YES1: variants seen among roughly 807,000 people sequenced by gnomAD.
The protein encoded by YES1 is YES proto-oncogene 1, Src family tyrosine kinase.
Under a neutral mutation model 70.4 loss-of-function variants are expected in YES1, and 39 were observed. The observed-to-expected ratio is 0.55, with a 90% CI of 0.43 to 0.72. The LOEUF is 0.72. Among genes scored for constraint, YES1 ranks in the 30% least tolerant of loss-of-function variants. YES1 has a pLI of 0.00. For missense variants in YES1, 495 were observed against 644.8 expected, an observed-to-expected ratio of 0.77 and a Z score of 2.52; for synonymous variants, 198 against 218.6, an observed-to-expected ratio of 0.91 and a Z score of 0.83.
At chr18:806,636 ACAGTGAAT>A (rs769358180) in intron 1 of YES1, among the ~76,000 whole-genome samples, 35 of 152,272 alleles carry the variant, frequency 2.3e-4, no homozygotes, top group Non-Finnish European at 4.4e-4. Context: ...GTTCCTTGAC[ACAGTGAAT>A]ACTAGGTCAA....
chr18:811,223 C>G (rs1357845450), intron 1 of YES1, among the ~76,000 whole-genome samples: 3 of 152,158 alleles, frequency 2.0e-5, no homozygotes, highest in African/African-American at 7.2e-5. Context: ...GTGCTTCCAC[C>G]AAAGACTTTC....
intron 1 of YES1, among the ~76,000 whole-genome samples, chr18:781,093 C>T (rs914700846): frequency 6.6e-6 from 1 of 151,884 alleles, no homozygotes; most frequent in Non-Finnish European, 1.5e-5. Flanking sequence ...CATGGTGAAA[C>T]CCCGTTTCTA....
intron 1 of YES1, chr18:797,913 T>A (rs1052317702): frequency 6.6e-6 from 1 of 152,192 alleles, no homozygotes; most frequent in African/African-American, 2.4e-5. Context: ...TAAAGCTACA[T>A]GCCTCTATTT....
At chr18:788,896 A>T (rs1906100173) in intron 1 of YES1, among the ~76,000 whole-genome samples, 1 of 152,226 alleles carries the variant, frequency 6.6e-6, no homozygotes, top group Non-Finnish European at 1.5e-5. Flanking sequence ...ACTGCACTCC[A>T]GCCTGGATGA....
intron 9 of YES1, chr18:739,433 C>CA (rs2080191521): frequency 7.1e-5 from 14 of 198,486 alleles, no homozygotes; most frequent in Middle Eastern, 1.9e-3. Flanking sequence ...CCTGTGTCTA[C>CA]AAAAAAAATA....
chr18:793,751 C>CA (rs1906393785), intron 1 of YES1, among the ~76,000 whole-genome samples: 1 of 151,930 alleles, frequency 6.6e-6, no homozygotes, highest in African/African-American at 2.4e-5. Context: ...TGTAATATAC[C>CA]AAAAATAGTT....
Position 762,307 on chromosome 18 carries a change from C to T in YES1, c.-8-5472G>A, listed in dbSNP as rs1445622417. Among the ~76,000 whole-genome samples the T allele has an allele frequency of 6.6e-5, 10 of 152,028 alleles. 1 individual carries two copies. In the South Asian group the frequency reaches 1.7e-3, roughly 25 times the overall value. ...TGCACTCCAGCCTGGGCAACAAGAG[C>T]GAAACTCCATCTCAAAAAAAAGAAA... On this transcript the variant is annotated intron_variant, in intron 1 of 11. Coordinates refer to ENST00000314574, the MANE Select transcript of YES1 (RefSeq NM_005433.4).
chr18:770,370 T>C (rs1235977478), intron 1 of YES1, among the ~76,000 whole-genome samples: 1 of 151,902 alleles, frequency 6.6e-6, no homozygotes, highest in Non-Finnish European at 1.5e-5. Context: ...AAACCTCAAA[T>C]GCTTCCCAGC....
At chr18:802,544 CAAA>C (rs200573604) in intron 1 of YES1, among the ~76,000 whole-genome samples, 2 of 83,152 alleles carry the variant, frequency 2.4e-5, no homozygotes, top group Admixed American at 1.3e-4. Context: ...AACTCCATCT[CAAA>C]AAAAAAAAAA....
rs201997522 is a variant in YES1, at chr18:802,921, T to TA, written c.-9+9192dup. Among the ~76,000 whole-genome samples, 938 of 150,820 alleles carry TA rather than the reference T, an allele frequency of 6.2e-3. 4 individuals are homozygous for TA. The highest frequency in any genetic ancestry group is 0.021 in the African/African-American group (846 of 41,146). ...ACAAGGTGAAACCCTGTCTCTATTCTAAAAAAAAATAAAAATAAAAAACAG... is the reference window on the plus strand; with the variant it reads ...ACAAGGTGAAACCCTGTCTCTATTCTAAAAAAAAAATAAAAATAAAAAACAG... On this transcript the variant is annotated intron_variant, in intron 1 of 11. Transcript: ENST00000314574.
intron 1 of YES1, among the ~76,000 whole-genome samples, chr18:779,237 G>C (rs140147810): frequency 6.6e-6 from 1 of 151,428 alleles, no homozygotes; most frequent in Non-Finnish European, 1.5e-5. Context: ...CCCCCGTCCC[G>C]GCAAAAAATT....
At chr18:729,598 T>C (rs1322642486) in intron 11 of YES1, among the ~76,000 whole-genome samples, 1 of 150,472 alleles carries the variant, frequency 6.6e-6, no homozygotes, top group Non-Finnish European at 1.5e-5. Flanking sequence ...TATCTCAGAG[T>C]CTGCTCCTAT....
At chr18:726,957 C>T (rs1026808217) in intron 11 of YES1, among the ~76,000 whole-genome samples, 1 of 152,094 alleles carries the variant, frequency 6.6e-6, no homozygotes, top group Non-Finnish European at 1.5e-5. Flanking sequence ...GCTGTAAGAA[C>T]AGTAGGCAAT....
At chr18:761,693 C>T (rs986868088) in intron 1 of YES1, among the ~76,000 whole-genome samples, 1 of 152,166 alleles carries the variant, frequency 6.6e-6, no homozygotes, top group South Asian at 2.1e-4. Flanking sequence ...CACACATCTA[C>T]GCACTTATCT....
rs529888103 is a variant in YES1 at position 740,208 on chromosome 18, C to T, written c.1061-397G>A. Among the ~76,000 whole-genome samples the T allele has an allele frequency of 1.3e-4, 20 of 152,234 alleles. 1 individual carries two copies. The highest frequency in any genetic ancestry group is 1.0e-3 in the South Asian group (5 of 4,822). Reference sequence around the variant, plus strand: ...ACTAAATATAGGTAGCTAAATGAGTCGCTGTGGAACTACTGCTGTGACCAA... The same window carrying T: ...ACTAAATATAGGTAGCTAAATGAGTTGCTGTGGAACTACTGCTGTGACCAA... On this transcript the variant is annotated intron_variant, in intron 8 of 11. Coordinates refer to ENST00000314574, the MANE Select transcript of YES1 (RefSeq NM_005433.4).
Position 746,029 on chromosome 18 carries a change from T to C in YES1, c.493A>G (p.Arg165Gly). ...AEEWYFGKMG[R>G]KDAERLLLNP... ...AAAAGTAATCTTTCAGCATCTTTTC[T>C]CCCCATTTTGCCAAAATACCATCTG... The change falls in exon 5 of 12, where the codon AGA becomes GGA. Residue 165 changes from arginine (R) to glycine (G), a missense_variant. Arg to Gly is a moderately radical substitution (Grantham distance 125, BLOSUM62 -2). Transcript: ENST00000314574. 4 of 1,612,180 alleles carry C rather than the reference T, an allele frequency of 2.5e-6. No homozygotes were observed. The highest frequency in any genetic ancestry group is 3.4e-6 in the Non-Finnish European group (4 of 1,179,508).
intron 1 of YES1, among the ~76,000 whole-genome samples, chr18:803,688 A>AT: frequency 6.6e-6 from 1 of 152,288 alleles, no homozygotes; most frequent in East Asian, 1.9e-4. Context: ...CAAAACAGTG[A>AT]TTTTTAAATA....
chr18:740,293 C>T (rs2080202495), intron 8 of YES1, among the ~76,000 whole-genome samples: 1 of 152,164 alleles, frequency 6.6e-6, no homozygotes, highest in African/African-American at 2.4e-5. Flanking sequence ...GGCTAGAAGT[C>T]TGATTACGGC....
chr18:804,954 T>C (rs959170458), intron 1 of YES1, among the ~76,000 whole-genome samples: 9 of 148,932 alleles, frequency 6.0e-5, no homozygotes, highest in Admixed American at 6.0e-4. Context: ...CATAGTAGTA[T>C]AAATGTTTGC....
Sources: allele counts gnomAD v4.1 joint callset (sites outside exome capture counted in the v4.1 genomes callset), GRCh38; gene constraint gnomAD v4.1.1; transcripts MANE v1.5; gene names NCBI Gene and HGNC (gene_info 2026-07-23, HGNC 2026-07-21).